CPXM2: variants seen among roughly 807,000 people sequenced by gnomAD.
The protein encoded by CPXM2 is carboxypeptidase X, M14 family member 2.
Under a neutral mutation model 86.1 loss-of-function variants are expected in CPXM2, and 66 were observed. That is an observed-to-expected ratio of 0.77 (90% CI 0.63 to 0.94). CPXM2 has a LOEUF of 0.94. CPXM2 is among the 40% of genes least tolerant of loss of function. CPXM2 has a pLI of 0.00. For missense variants in CPXM2, 948 were observed against 1,026.3 expected, an observed-to-expected ratio of 0.92 and a Z score of 1.04; for synonymous variants, 388 against 400.2, an observed-to-expected ratio of 0.97 and a Z score of 0.36.
chr10:123,757,863 T>C (rs1846249382), intron 11 of CPXM2, among the ~76,000 whole-genome samples: 1 of 152,150 alleles, frequency 6.6e-6, no homozygotes. Flanking sequence ...TCTGCAGCCA[T>C]TAGGTTACTT....
intron 2 of CPXM2, among the ~76,000 whole-genome samples, chr10:123,904,826 T>A (rs1284583276): frequency 6.4e-5 from 3 of 46,752 alleles, no homozygotes; most frequent in African/African-American, 3.4e-4. Flanking sequence ...CACTTCCTTC[T>A]AGTTATGTCA....
chr10:123,874,902 C>T (rs1944955440), intron 2 of CPXM2, among the ~76,000 whole-genome samples: 1 of 152,232 alleles, frequency 6.6e-6, no homozygotes, highest in African/African-American at 2.4e-5. Context: ...CCTATGGGTG[C>T]TACCGAGCAC....
intron 4 of CPXM2, among the ~76,000 whole-genome samples, chr10:123,801,277 G>A (rs1447071821): frequency 5.9e-5 from 9 of 152,156 alleles, no homozygotes; most frequent in African/African-American, 1.7e-4. Context: ...CCCTGCACAC[G>A]CTCTCTTGCC....
chr10:123,915,340 T>C (rs1158484968), intron 2 of CPXM2, among the ~76,000 whole-genome samples: 1 of 152,144 alleles, frequency 6.6e-6, no homozygotes, highest in Non-Finnish European at 1.5e-5. Flanking sequence ...GGGAGATCAC[T>C]TGAGGCCAGG....
upstream of CPXM2, among the ~76,000 whole-genome samples, chr10:123,896,122 G>T (rs1395830191): frequency 6.6e-6 from 1 of 152,204 alleles, no homozygotes; most frequent in Non-Finnish European, 1.5e-5. Flanking sequence ...AGAACATTCT[G>T]TTGAAACAAA....
chr10:123,777,443 G>C (rs1846819863), intron 7 of CPXM2: 1 of 152,346 alleles, frequency 6.6e-6, no homozygotes, highest in African/African-American at 2.4e-5. Context: ...ACCTCCACTG[G>C]GCAGCCTGCC....
intron 1 of CPXM2, among the ~76,000 whole-genome samples, chr10:123,888,637 C>T (rs1945217651): frequency 6.6e-6 from 1 of 152,192 alleles, no homozygotes; most frequent in Non-Finnish European, 1.5e-5. Flanking sequence ...ACTGATTCCC[C>T]TAACTAAGTT....
Position 123,745,784 on chromosome 10 carries a change from G to A in CPXM2, c.*980C>T, listed in dbSNP as rs1845959995. ...GATGCTCCACAGATAATCCTAAGAGGTTTTCATTACATTTAGCCTAATCTG... is the reference window on the plus strand; with the variant it reads ...GATGCTCCACAGATAATCCTAAGAGATTTTCATTACATTTAGCCTAATCTG... On this transcript the variant is annotated 3_prime_UTR_variant, in exon 14 of 14. Transcript: ENST00000241305. 6.6e-6 allele frequency: 1 copy of A among 151,892 alleles called. No individual in the cohort carries two copies. The allele number at this position is 151,892 out of a possible 1,614,324, so 9.4% of individuals were successfully genotyped here.
intron 2 of CPXM2, among the ~76,000 whole-genome samples, chr10:123,917,209 A>G (rs982769236): frequency 6.6e-6 from 1 of 152,228 alleles, no homozygotes. Flanking sequence ...CTCCCTTAAC[A>G]TCTCTCTAGA....
At chr10:123,867,493 T>C (rs921422054) in intron 2 of CPXM2, among the ~76,000 whole-genome samples, 1 of 152,074 alleles carries the variant, frequency 6.6e-6, no homozygotes, top group Admixed American at 6.5e-5. Context: ...TTCTTTTCTT[T>C]CTACCTTCAG....
intron 6 of CPXM2, among the ~76,000 whole-genome samples, chr10:123,793,377 A>G (rs1847251259): frequency 6.7e-6 from 1 of 148,560 alleles, no homozygotes; most frequent in Non-Finnish European, 1.5e-5. Flanking sequence ...GCAGGAGAAT[A>G]GCGTGAACCT....
intron 3 of CPXM2, among the ~76,000 whole-genome samples, chr10:123,859,258 G>T (rs746328507): frequency 3.9e-5 from 6 of 152,362 alleles, no homozygotes; most frequent in Admixed American, 3.3e-4. Context: ...ACAAGATGTG[G>T]TTATTTTTAA....
intron 13 of CPXM2, among the ~76,000 whole-genome samples, chr10:123,752,959 G>A (rs763633643): frequency 3.3e-5 from 5 of 152,164 alleles, no homozygotes; most frequent in African/African-American, 9.7e-5. Context: ...AGCCTCTTAC[G>A]TGGTGTGTTA....
intron 2 of CPXM2, among the ~76,000 whole-genome samples, chr10:123,932,688 C>T (rs1181844743): frequency 6.6e-6 from 1 of 152,196 alleles, no homozygotes; most frequent in African/African-American, 2.4e-5. Context: ...CAAGGTGAAT[C>T]AATTTACATA....
At chr10:123,800,795 T>A (rs1177900058) in intron 4 of CPXM2, among the ~76,000 whole-genome samples, 1 of 149,906 alleles carries the variant, frequency 6.7e-6, no homozygotes, top group African/African-American at 2.5e-5. Context: ...AAAAAAAAAA[T>A]AAGAATACCA....
At chr10:123,804,068 T>C (rs575919558) in intron 4 of CPXM2, among the ~76,000 whole-genome samples, 1 of 152,180 alleles carries the variant, frequency 6.6e-6, no homozygotes, top group East Asian at 1.9e-4. Flanking sequence ...TGTGACTGTA[T>C]ATATGTAGGT....
intron 4 of CPXM2, among the ~76,000 whole-genome samples, chr10:123,803,727 T>A (rs1847514750): frequency 6.6e-6 from 1 of 152,140 alleles, no homozygotes; most frequent in South Asian, 2.1e-4. Context: ...AGTGATGCGA[T>A]CTCGGCTCAC....
At chr10:123,753,922 G>A (rs990287221) in intron 13 of CPXM2, among the ~76,000 whole-genome samples, 16 of 152,160 alleles carry the variant, frequency 1.1e-4, no homozygotes, top group African/African-American at 3.6e-4. Flanking sequence ...CAGTGAGTGG[G>A]AGCTGAGTCT....
intron 2 of CPXM2, among the ~76,000 whole-genome samples, chr10:123,933,490 G>C (rs138186069): frequency 0.013 from 1,998 of 152,280 alleles, 56 homozygotes; most frequent in African/African-American, 0.046. Context: ...GGCCAAGGTG[G>C]GCGGGTCACT....
Sources: gnomAD v4.1 joint callset for allele counts (sites outside exome capture counted in the v4.1 genomes callset) on GRCh38, gnomAD v4.1.1 for gene constraint, MANE v1.5 for transcripts, NCBI Gene and HGNC (gene_info 2026-07-23, HGNC 2026-07-21) for gene names.